Variants in ADAM22 observed in about 807,000 individuals in gnomAD.
ADAM22 encodes disintegrin and metalloproteinase domain-containing protein 22.
ADAM22 carries 65 observed loss-of-function variants against 144.6 expected under a neutral mutation model. The ratio of observed to expected loss-of-function variants is 0.45; its 90% CI spans 0.37 to 0.55. The LOEUF is 0.55. Ranked by LOEUF, ADAM22 falls within the 20% of genes least tolerant of loss-of-function variation. ADAM22 has a pLI of 0.00. For synonymous variants in ADAM22, 391 were observed against 412.6 expected (o/e 0.95, Z 0.63); for missense variants, 974 against 1,184.9 (o/e 0.82, Z 2.61).
At chr7:88,167,085 G>A (rs752622679) in intron 24 of ADAM22, among the ~76,000 whole-genome samples, 1 of 152,238 alleles carries the variant, frequency 6.6e-6, no homozygotes. Flanking sequence ...CCCAGACAGA[G>A]AGACTGCCAC....
At chr7:88,103,796 T>A (rs1182179309) in intron 4 of ADAM22, among the ~76,000 whole-genome samples, 1 of 152,180 alleles carries the variant, frequency 6.6e-6, no homozygotes. Context: ...TCAAAAGTCA[T>A]ATGAAGACAT....
intron 21 of ADAM22, among the ~76,000 whole-genome samples, chr7:88,155,469 C>T (rs541430451): frequency 6.6e-6 from 1 of 150,570 alleles, no homozygotes; most frequent in South Asian, 2.1e-4. Flanking sequence ...CTGCAGTGAG[C>T]CATGATTACA....
intron 2 of ADAM22, among the ~76,000 whole-genome samples, chr7:87,948,396 G>A (rs1052365502): frequency 2.0e-5 from 3 of 151,934 alleles, no homozygotes; most frequent in African/African-American, 7.3e-5. Context: ...CCATTCATTT[G>A]TTTCTGTTGT....
intron 3 of ADAM22, among the ~76,000 whole-genome samples, chr7:88,053,035 T>C (rs1010501859): frequency 6.6e-6 from 1 of 152,216 alleles, no homozygotes; most frequent in Non-Finnish European, 1.5e-5. Flanking sequence ...CCTTTACATC[T>C]CTGTCCTCCA....
chr7:88,037,404 C>T (rs144654265), intron 3 of ADAM22, among the ~76,000 whole-genome samples: 31 of 151,956 alleles, frequency 2.0e-4, no homozygotes, highest in African/African-American at 7.2e-4. Context: ...TTCTGTTTCA[C>T]ATGATAGAGA....
chr7:88,174,418 G>A (rs1845126245), intron 26 of ADAM22, among the ~76,000 whole-genome samples: 1 of 152,092 alleles, frequency 6.6e-6, no homozygotes, highest in South Asian at 2.1e-4. Flanking sequence ...AGGAGCCATA[G>A]CCTTAGACAT....
rs1338221506 is a variant in ADAM22, at chr7:87,934,560, C to T, written c.85+10C>T. 6.2e-7 allele frequency: 1 copy of T among 1,603,832 alleles called. No homozygotes were observed. On this transcript the variant is annotated intron_variant, in intron 1 of 31. Transcript: ENST00000413139. ...CGCTGCGGCCAGGCAGGTAAGTTAGCCGTCCTCTGTGCCTTTGGGCCATAC... is the reference window on the plus strand; with the variant it reads ...CGCTGCGGCCAGGCAGGTAAGTTAGTCGTCCTCTGTGCCTTTGGGCCATAC...
chr7:88,113,916 C>G (rs1827003201), intron 5 of ADAM22, among the ~76,000 whole-genome samples: 1 of 150,828 alleles, frequency 6.6e-6, no homozygotes, highest in African/African-American at 2.4e-5. Flanking sequence ...AGTTCGTGGT[C>G]CCATCTGTCT....
At chr7:87,965,374 A>G (rs1318606338) in intron 2 of ADAM22, among the ~76,000 whole-genome samples, 1 of 152,168 alleles carries the variant, frequency 6.6e-6, no homozygotes, top group Non-Finnish European at 1.5e-5. Flanking sequence ...CGAGTGAGAT[A>G]TGTTAGTAAA....
rs556742951 is a variant in ADAM22 at position 88,128,051 on chromosome 7, C to T, written c.679-551C>T. 4.6e-5 allele frequency among the ~76,000 whole-genome samples: 7 copies of T among 152,058 alleles called. No homozygotes were observed. The South Asian group carries it at 6.2e-4, about 14-fold the overall frequency. On this transcript the variant is annotated intron_variant, in intron 8 of 31. Coordinates refer to ENST00000413139, the MANE Select transcript of ADAM22 (RefSeq NM_001324418.2). ...CATGTCATTTGGGGATCCCCTGAAA[C>T]GTCCTAGATGAAGGCACATGACTCA...
intron 3 of ADAM22, among the ~76,000 whole-genome samples, chr7:88,066,400 C>A (rs1294457881): frequency 6.6e-6 from 1 of 151,928 alleles, no homozygotes; most frequent in Non-Finnish European, 1.5e-5. Flanking sequence ...ATTGAAGTAG[C>A]CATTTAAGAA....
chr7:88,093,115 A>G (rs977936524), intron 4 of ADAM22, among the ~76,000 whole-genome samples: 4 of 152,334 alleles, frequency 2.6e-5, no homozygotes, highest in African/African-American at 9.6e-5. Context: ...CTATTTTATA[A>G]TAGAATTTAC....
chr7:87,997,550 C>T (rs553806293), intron 3 of ADAM22, among the ~76,000 whole-genome samples: 8 of 152,364 alleles, frequency 5.3e-5, no homozygotes, highest in African/African-American at 1.7e-4. Context: ...GTTGTTGGCA[C>T]AATTCAGTTC....
In ADAM22 at chr7:88,193,220, T is replaced by C; in HGVS notation, c.2855T>C (p.Val952Ala). 6.2e-7 allele frequency: 1 copy of C among 1,614,032 alleles called. No individual in the cohort carries two copies. Among genetic ancestry groups the C allele is most frequent in the Non-Finnish European group, 8.5e-7 (1 of 1,179,922 alleles). Reference protein sequence around the residue: ...MPPLPDEDKKVNRQSARLWET... With the variant: ...MPPLPDEDKKANRQSARLWET... ...CCACTTCCTGATGAGGACAAGAAAG[T>C]GAACCGACAAAGTGCCAGGGTATGT... is the stretch of plus-strand genomic sequence containing the variant. Residue 952 changes from valine to alanine, a missense_variant, in exon 31 of 32, where the codon GTG becomes GCG. Transcript: ENST00000413139.
intron 3 of ADAM22, among the ~76,000 whole-genome samples, chr7:87,985,606 T>C (rs1246814117): frequency 1.3e-5 from 2 of 152,212 alleles, no homozygotes; most frequent in African/African-American, 4.8e-5. Flanking sequence ...CTTCTTGACA[T>C]GTTTTTGAAG....
intron 2 of ADAM22, among the ~76,000 whole-genome samples, chr7:87,956,541 C>A (rs111998118): frequency 4.0e-4 from 61 of 152,242 alleles, no homozygotes; most frequent in Non-Finnish European, 5.0e-4. Context: ...GCAGCGATCA[C>A]CACTGTCAAT....
intron 2 of ADAM22, among the ~76,000 whole-genome samples, chr7:87,943,706 C>T (rs1362229465): frequency 6.6e-6 from 1 of 152,126 alleles, no homozygotes; most frequent in East Asian, 1.9e-4. Context: ...GTACCATGAT[C>T]CAGAAATATC....
At chr7:88,161,427 A>G (rs1009239444) in intron 22 of ADAM22, among the ~76,000 whole-genome samples, 5 of 152,138 alleles carry the variant, frequency 3.3e-5, no homozygotes, top group African/African-American at 1.2e-4. Flanking sequence ...TTTCATTATG[A>G]AGACACCAGA....
intron 6 of ADAM22, 24 bp from the exon 7 acceptor site, chr7:88,116,721 T>TGA: frequency 6.3e-7 from 1 of 1,595,682 alleles, no homozygotes; most frequent in Non-Finnish European, 8.6e-7. Context: ...ACATGCTTAA[T>TGA]CACTGTTGCT....
Sources: gnomAD v4.1 joint callset for allele counts (sites outside exome capture counted in the v4.1 genomes callset) on GRCh38, gnomAD v4.1.1 for gene constraint, MANE v1.5 for transcripts, NCBI Gene and HGNC (gene_info 2026-07-23, HGNC 2026-07-21) for gene names.